Variants in ATG16L1 observed in about 807,000 individuals in gnomAD.
ATG16L1 encodes autophagy related 16 like 1.
In ATG16L1, 37 loss-of-function variants were observed where a neutral mutation model predicts 88.5. That is an observed-to-expected ratio of 0.42 (90% confidence interval 0.32 to 0.55). The LOEUF (loss-of-function observed/expected upper bound fraction) is 0.55. Among genes scored for constraint, ATG16L1 ranks in the 20% least tolerant of loss-of-function variants. ATG16L1 has a pLI of 0.13. For missense variants in ATG16L1, 554 were observed against 752.8 expected, an observed-to-expected ratio of 0.74 and a Z score of 3.09; for synonymous variants, 301 against 281.0, an observed-to-expected ratio of 1.07 and a Z score of -0.71.
In ATG16L1 at chr2:233,272,890, G is replaced by A. The variant is rs1698087071; in HGVS notation, c.708-76G>A. ...GTGGTTTAGGATCTAACTAGAAAAT[G>A]ACATTAGCATTTGCGGAACCGATTA... is the stretch of plus-strand genomic sequence containing the variant. On this transcript the variant is annotated intron_variant, in intron 6 of 17. Transcript: ENST00000392017. 4 of 1,288,288 alleles carry A rather than the reference G, an allele frequency of 3.1e-6. No homozygotes were observed. In the African/African-American group the frequency reaches 5.9e-5, roughly 19 times the overall value. The allele number at this position is 1,288,288 out of a possible 1,614,324, so 79.8% of individuals were successfully genotyped here. A position where few individuals can be genotyped will look rare whatever the true frequency, so the allele number is the denominator to read the frequency against.
chr2:233,279,022 T>C (rs1169072252), intron 10 of ATG16L1, among the ~76,000 whole-genome samples: 1 of 152,022 alleles, frequency 6.6e-6, no homozygotes, highest in Non-Finnish European at 1.5e-5. Context: ...AAAAAAAATA[T>C]TAAAAAGTAG....
At position 233,290,470 on chromosome 2, in the gene ATG16L1, A is replaced by G. The variant is rs1330964314; in HGVS notation, c.1430+117A>G. On this transcript the variant is annotated intron_variant, in intron 14 of 17. Coordinates refer to ENST00000392017, the MANE Select transcript of ATG16L1 (RefSeq NM_030803.7). ...GGCAGAAATGAGTTTCGGTACACGTATAGTGTTAGCTTATTAACACTTGGC... is the reference window on the plus strand; with the variant it reads ...GGCAGAAATGAGTTTCGGTACACGTGTAGTGTTAGCTTATTAACACTTGGC... The G allele has an allele frequency of 2.6e-5, 21 of 805,918 alleles. No homozygotes were observed. In the South Asian group the frequency reaches 2.9e-4, roughly 11 times the overall value. The allele number at this position is 805,918 out of a possible 1,614,324, so 49.9% of individuals were successfully genotyped here. A position where few individuals can be genotyped will look rare whatever the true frequency, so the allele number is the denominator to read the frequency against.
At position 233,294,401 on chromosome 2, in the gene ATG16L1, A is replaced by G. The variant is rs752376831; in HGVS notation, c.*51A>G. The stretch of plus-strand genomic sequence containing the variant: ...CCAGTGCCCTCCTCAGAAGAAGCAC[A>G]TGGGCTCCTGCAGCCCTGTCCTGGC... On this transcript the variant is annotated 3_prime_UTR_variant, in exon 18 of 18. Coordinates refer to ENST00000392017, the MANE Select transcript of ATG16L1 (RefSeq NM_030803.7). 4.1e-6 allele frequency: 6 copies of G among 1,466,242 alleles called. No individual in the cohort carries two copies. In the Admixed American group the frequency reaches 6.9e-5, roughly 17 times the overall value. 90.8% of individuals were successfully genotyped at this position (1,466,242 alleles called of 1,614,324 possible). A position where few individuals can be genotyped will look rare whatever the true frequency, so the allele number is the denominator to read the frequency against.
chr2:233,282,583 T>G, intron 11 of ATG16L1, 99 bp from the exon 12 acceptor site: 1 of 1,102,506 alleles, frequency 9.1e-7, no homozygotes, highest in Non-Finnish European at 1.4e-6. Context: ...GTGAAGCATC[T>G]AAACCTTCTT....
chr2:233,272,313 C>T (rs908904159), intron 6 of ATG16L1, among the ~76,000 whole-genome samples: 4 of 152,208 alleles, frequency 2.6e-5, no homozygotes, highest in Non-Finnish European at 4.4e-5. Context: ...TTGATTATGT[C>T]ATTTGAAGTG....
chr2:233,283,381 CA>C (rs1339670366), intron 12 of ATG16L1, among the ~76,000 whole-genome samples: 1 of 150,932 alleles, frequency 6.6e-6, no homozygotes, highest in Non-Finnish European at 1.5e-5. Context: ...CTGAAGGAAT[CA>C]TCACATAAGC....
intron 14 of ATG16L1, among the ~76,000 whole-genome samples, chr2:233,290,909 G>C (rs1025368198): frequency 1.3e-5 from 2 of 152,202 alleles, no homozygotes; most frequent in African/African-American, 4.8e-5. Context: ...ACTCGATCTT[G>C]TAAGTCGTTG....
chr2:233,272,050 A>G (rs1698033469), intron 6 of ATG16L1, among the ~76,000 whole-genome samples: 1 of 152,218 alleles, frequency 6.6e-6, no homozygotes, highest in Non-Finnish European at 1.5e-5. Flanking sequence ...CCAGATAATT[A>G]TTTATTGAAA....
chr2:233,280,290 C>T (rs1470092803), intron 10 of ATG16L1, among the ~76,000 whole-genome samples: 1 of 152,182 alleles, frequency 6.6e-6, no homozygotes, highest in African/African-American at 2.4e-5. Context: ...TAATTTCTAG[C>T]TTATCTGTGT....
chr2:233,291,583 T>C (rs1255258042), intron 14 of ATG16L1, among the ~76,000 whole-genome samples: 1 of 152,126 alleles, frequency 6.6e-6, no homozygotes, highest in South Asian at 2.1e-4. Flanking sequence ...AGGGTGGCTG[T>C]TAGCCACCCT....
chr2:233,289,443 T>G (rs1699313371), intron 12 of ATG16L1, among the ~76,000 whole-genome samples: 1 of 140,710 alleles, frequency 7.1e-6, no homozygotes, highest in Non-Finnish European at 1.6e-5. Flanking sequence ...TGGAGTACAA[T>G]GGCACTATCA....
rs1698684895 is a variant in ATG16L1 at position 233,281,005 on chromosome 2, A to T, written c.1061-100A>T. 28 of 681,140 alleles carry T rather than the reference A, an allele frequency of 4.1e-5. No homozygotes were observed. In the South Asian group the frequency reaches 5.3e-4, roughly 13 times the overall value. The allele number at this position is 681,140 out of a possible 1,614,324, so 42.2% of individuals were successfully genotyped here. A position where few individuals can be genotyped will look rare whatever the true frequency, so the allele number is the denominator to read the frequency against. On this transcript the variant is annotated intron_variant, in intron 10 of 17. Transcript: ENST00000392017. ...AAAGGTACAGGATAGCTATTGTTTTAGCAGTGTAATTGGCTTCCATTGTAT... is the reference window on the plus strand; with the variant it reads ...AAAGGTACAGGATAGCTATTGTTTTTGCAGTGTAATTGGCTTCCATTGTAT...
intron 10 of ATG16L1, among the ~76,000 whole-genome samples, chr2:233,280,066 A>G (rs921321895): frequency 2.6e-5 from 4 of 152,196 alleles, no homozygotes; most frequent in African/African-American, 4.8e-5. Context: ...AATATGCTGT[A>G]TTTTGCAAGT....
intron 6 of ATG16L1, among the ~76,000 whole-genome samples, chr2:233,272,469 A>G (rs1017126716): frequency 2.0e-5 from 3 of 152,116 alleles, no homozygotes; most frequent in African/African-American, 7.2e-5. Context: ...TTCATGGCCC[A>G]TTTAGCCATC....
At chr2:233,289,761 C>CT in intron 12 of ATG16L1, 93 bp from the exon 13 acceptor site, 6 of 1,543,036 alleles carry the variant, frequency 3.9e-6, no homozygotes, top group Non-Finnish European at 5.3e-6. Flanking sequence ...GTCTGACACT[C>CT]TGACTCTGGA....
rs889961945 is a variant in ATG16L1, at chr2:233,294,630, A to G, written c.*280A>G. 4.4e-5 allele frequency: 12 copies of G among 270,312 alleles called. 1 individual carries two copies. The highest frequency in any genetic ancestry group is 2.3e-4 in the South Asian group (3 of 12,920). The allele number at this position is 270,312 out of a possible 1,614,324, so 16.7% of individuals were successfully genotyped here. On this transcript the variant is annotated 3_prime_UTR_variant, in exon 18 of 18. Transcript: ENST00000392017. ...GAAACACTACTAGCTCTGACCTTCC[A>G]TACCTCACTTGGGGGAGCACAGGGC...
intron 9 of ATG16L1, chr2:233,277,296 AT>A: frequency 3.3e-6 from 1 of 303,304 alleles, no homozygotes; most frequent in Non-Finnish European, 6.3e-6. Flanking sequence ...AACAGATGAA[AT>A]TAATGCAAGG....
Position 233,269,995 on chromosome 2 carries a change from C to A in ATG16L1, c.642-7C>A. The A allele has an allele frequency of 6.4e-7, 1 of 1,560,164 alleles. No homozygotes were observed. Among genetic ancestry groups the A allele is most frequent in the Non-Finnish European group, 8.6e-7 (1 of 1,160,372 alleles). Reference sequence around the variant, plus strand: ...ATGGTGGGCTTTTTTTTTTTTTTTCCCAACAGGAGGCGGCAAGCCCGGCTG... The same window carrying A: ...ATGGTGGGCTTTTTTTTTTTTTTTCACAACAGGAGGCGGCAAGCCCGGCTG... On this transcript the variant is annotated splice_region_variant and splice_polypyrimidine_tract_variant and intron_variant, in intron 5 of 17. Coordinates refer to ENST00000392017, the MANE Select transcript of ATG16L1 (RefSeq NM_030803.7).
At chr2:233,269,521 C>T (rs1574862789) in intron 5 of ATG16L1, among the ~76,000 whole-genome samples, 1 of 152,184 alleles carries the variant, frequency 6.6e-6, no homozygotes, top group Non-Finnish European at 1.5e-5. Flanking sequence ...ATATTTAGAC[C>T]TGGATCCTGT....
Sources: allele counts gnomAD v4.1 joint callset (sites outside exome capture counted in the v4.1 genomes callset), GRCh38; gene constraint gnomAD v4.1.1; transcripts MANE v1.5; gene names NCBI Gene and HGNC (gene_info 2026-07-23, HGNC 2026-07-21).